KAZN: variants seen among roughly 807,000 people sequenced by gnomAD.
KAZN encodes kazrin.
KAZN carries 40 observed loss-of-function variants against 87.4 expected under a neutral mutation model. That is an observed-to-expected ratio of 0.46 (90% CI 0.36 to 0.60). The LOEUF (loss-of-function observed/expected upper bound fraction) is 0.60. Among genes scored for constraint, KAZN ranks in the 20% least tolerant of loss-of-function variants. KAZN has a pLI of 0.00. For synonymous variants in KAZN, 466 were observed against 458.3 expected, an observed-to-expected ratio of 1.02 and a Z score of -0.22; for missense variants, 898 against 1,073.9, an observed-to-expected ratio of 0.84 and a Z score of 2.29.
At chr1:14,819,345 G>A (rs926452584) in intron 1 of KAZN, among the ~76,000 whole-genome samples, 8 of 152,236 alleles carry the variant, frequency 5.3e-5, no homozygotes, top group African/African-American at 1.9e-4. Context: ...TGGGCTGTGG[G>A]GCCCAGTTGT....
chr1:14,751,417 T>C (rs185550625), intron 1 of KAZN, among the ~76,000 whole-genome samples: 2 of 152,344 alleles, frequency 1.3e-5, no homozygotes, highest in East Asian at 3.9e-4. Flanking sequence ...GTAGCTAACA[T>C]ATCTGTAGCA....
chr1:14,009,882 T>C (rs1407052839), intron 1 of KAZN, among the ~76,000 whole-genome samples: 1 of 151,802 alleles, frequency 6.6e-6, no homozygotes, highest in Non-Finnish European at 1.5e-5. Flanking sequence ...GGTGGGAGGG[T>C]GTGTACATAT....
chr1:14,799,687 C>T (rs1021701321), intron 1 of KAZN, among the ~76,000 whole-genome samples: 7 of 152,104 alleles, frequency 4.6e-5, no homozygotes, highest in South Asian at 4.1e-4. Context: ...ATTCCTCGTG[C>T]GATGGTGGGC....
At chr1:14,190,452 G>A (rs1646399680) in intron 2 of KAZN, among the ~76,000 whole-genome samples, 2 of 152,142 alleles carry the variant, frequency 1.3e-5, no homozygotes, top group African/African-American at 4.8e-5. Flanking sequence ...GTGAATACCT[G>A]TGCTAGTTTG....
intron 2 of KAZN, among the ~76,000 whole-genome samples, chr1:14,359,323 G>A (rs1659308660): frequency 6.7e-6 from 1 of 148,914 alleles, no homozygotes; most frequent in African/African-American, 2.5e-5. Context: ...TTGAGCCTAT[G>A]TGTGTCTTTG....
rs192411422 is a variant in KAZN at position 14,034,860 on chromosome 1, T to C, written c.91+141104T>C. 2.0e-5 allele frequency among the ~76,000 whole-genome samples: 3 copies of C among 152,226 alleles called. No homozygotes were observed. In the East Asian group the frequency reaches 5.8e-4, roughly 29 times the overall value. On this transcript the variant is annotated intron_variant, in intron 1 of 16. Transcript: ENST00000636203. ...TGCCCTTTCTTCACTCGGTAAAGAC[T>C]GGTGGGAAGTATTGAGCCCTGAAGG...
chr1:14,641,467 C>G (rs964848648), intron 1 of KAZN, among the ~76,000 whole-genome samples: 1 of 152,186 alleles, frequency 6.6e-6, no homozygotes, highest in Admixed American at 6.5e-5. Context: ...GCATGAGGCT[C>G]GGCTCCACAA....
At chr1:14,934,120 G>C (rs1660171115) in intron 1 of KAZN, among the ~76,000 whole-genome samples, 1 of 151,886 alleles carries the variant, frequency 6.6e-6, no homozygotes, top group African/African-American at 2.4e-5. Flanking sequence ...CTCCCAAAGT[G>C]CTGGGATTAC....
chr1:14,843,730 C>T (rs1204100577), intron 1 of KAZN, among the ~76,000 whole-genome samples: 1 of 152,218 alleles, frequency 6.6e-6, no homozygotes, highest in Non-Finnish European at 1.5e-5. Flanking sequence ...ACTACCCTGA[C>T]AGCTGTTTAT....
chr1:14,598,663 G>C (rs921967478), upstream of KAZN: 100 of 1,247,630 alleles, frequency 8.0e-5, no homozygotes, highest in Non-Finnish European at 9.6e-5. The surrounding 1 kb of genome is among the most constrained non-coding windows in gnomAD (Gnocchi z 4.2). Flanking sequence ...CATTTAAAGA[G>C]TGCCTGGTGG....
At chr1:14,746,806 G>A (rs1261017961) in intron 1 of KAZN, among the ~76,000 whole-genome samples, 2 of 152,218 alleles carry the variant, frequency 1.3e-5, no homozygotes, top group Admixed American at 6.5e-5. Context: ...TGTCACTGCT[G>A]TAAATGATTT....
intron 1 of KAZN, among the ~76,000 whole-genome samples, chr1:13,947,646 TG>T (rs2100987802): frequency 6.6e-6 from 1 of 152,312 alleles, no homozygotes; most frequent in Admixed American, 6.5e-5. Context: ...TACTTCAGAC[TG>T]GGGGCTTAAA....
In KAZN at chr1:14,106,749, C is replaced by T. The variant is rs189670551; in HGVS notation, c.92-73686C>T. Among the ~76,000 whole-genome samples the T allele has an allele frequency of 1.2e-3, 177 of 152,188 alleles. 1 individual carries two copies. Among genetic ancestry groups the T allele is most frequent in the African/African-American group, 4.0e-3 (166 of 41,520 alleles). On this transcript the variant is annotated intron_variant, in intron 1 of 16. Transcript: ENST00000636203. The stretch of plus-strand genomic sequence containing the variant: ...AAACGCGTCTCTATTCAGTGGCATC[C>T]CAGAAGATGTGAATGATATATTTTG...
chr1:13,924,128 A>G (rs1459351164), intron 1 of KAZN, among the ~76,000 whole-genome samples: 2 of 143,596 alleles, frequency 1.4e-5, no homozygotes, highest in Middle Eastern at 3.4e-3. Flanking sequence ...CATAAACTCA[A>G]TCTGCAAGCA....
chr1:14,659,700 G>A (rs1202636223), intron 1 of KAZN, among the ~76,000 whole-genome samples: 1 of 152,098 alleles, frequency 6.6e-6, no homozygotes, highest in African/African-American at 2.4e-5. Context: ...ATTTTAAAGT[G>A]AGTTTGTTGC....
intron 1 of KAZN, among the ~76,000 whole-genome samples, chr1:14,881,816 T>C (rs1216722351): frequency 1.3e-5 from 2 of 152,316 alleles, no homozygotes; most frequent in Middle Eastern, 3.4e-3. Context: ...AGATTACTAT[T>C]TTCTGTGTAT....
intron 2 of KAZN, among the ~76,000 whole-genome samples, chr1:14,362,625 C>T (rs1659616063): frequency 6.6e-6 from 1 of 152,180 alleles, no homozygotes; most frequent in Non-Finnish European, 1.5e-5. Flanking sequence ...CCCTATTACA[C>T]ACAGGCATTG....
intron 8 of KAZN, among the ~76,000 whole-genome samples, chr1:15,075,472 G>C (rs561688209): frequency 4.6e-4 from 70 of 152,234 alleles, no homozygotes; most frequent in African/African-American, 1.6e-3. Flanking sequence ...ACTCTCATTC[G>C]GTGGATCACC....
At chr1:15,070,889 T>G (rs768652868) in intron 8 of KAZN, among the ~76,000 whole-genome samples, 5 of 152,180 alleles carry the variant, frequency 3.3e-5, no homozygotes, top group Non-Finnish European at 7.3e-5. Context: ...CCCCAAAAAC[T>G]TGCATTTTCC....
Sources: allele counts gnomAD v4.1 joint callset (sites outside exome capture counted in the v4.1 genomes callset), GRCh38; gene constraint gnomAD v4.1.1; non-coding constraint Gnocchi (gnomAD v3.1); transcripts MANE v1.5; gene names NCBI Gene and HGNC (gene_info 2026-07-23, HGNC 2026-07-21).